Variants in GOLGA6L9 observed in about 807,000 individuals in gnomAD.
The protein encoded by GOLGA6L9 is golgin subfamily A member 6-like protein 9.
In GOLGA6L9, 19 loss-of-function variants were observed where a neutral mutation model predicts 51.3. The ratio of observed to expected loss-of-function variants is 0.37; its 90% CI spans 0.26 to 0.54. The LOEUF is 0.54. GOLGA6L9 is among the 20% of genes least tolerant of loss of function. The probability of loss-of-function intolerance (pLI) is 0.83; values close to 1 mark genes in which losing one functional copy is unlikely to be tolerated. For synonymous variants in GOLGA6L9, 97 were observed against 184.2 expected, an observed-to-expected ratio of 0.53 and a Z score of 3.83; for missense variants, 247 against 464.1, an observed-to-expected ratio of 0.53 and a Z score of 4.30.
rs1401504778 is a variant in GOLGA6L9, at chr15:82,436,330, G to C, written c.1218G>C (p.Glu406Asp). 2.1e-5 allele frequency: 34 copies of C among 1,591,472 alleles called. No individual in the cohort carries two copies. Among genetic ancestry groups the C allele is most frequent in the Admixed American group, 1.7e-4 (10 of 59,436 alleles). The stretch of plus-strand genomic sequence containing the variant: ...GTGGAGAAGCTGTTGGTACAGGAGA[G>C]GCGGCAGGAGGAGCAGGAGAGGCTG... ...GLSGEAVGTG[E>D]AAGGAGEAAC... The change falls in exon 9 of 9, where the codon GAG becomes GAC. Residue 406 changes from glutamate to aspartate, a missense_variant. This residue lies in a region of GOLGA6L9 where 12 missense variants were observed against 89.4 expected (regional missense o/e 0.13). Coordinates refer to ENST00000618348, the MANE Select transcript of GOLGA6L9 (RefSeq NM_198181.4).
rs1446802180 is a variant in GOLGA6L9 at position 82,437,077 on chromosome 15, C to G, written c.*666C>G. Reference sequence around the variant, plus strand: ...TCTCCCAGAAGAGGAAAGTGGCCTGCTTTGGCAGGTGTGTGCAGGATAGAA... The same window carrying G: ...TCTCCCAGAAGAGGAAAGTGGCCTGGTTTGGCAGGTGTGTGCAGGATAGAA... On this transcript the variant is annotated 3_prime_UTR_variant, in exon 9 of 9. Transcript: ENST00000618348. 6.7e-6 allele frequency: 1 copy of G among 149,098 alleles called. No homozygotes were observed. The highest frequency in any genetic ancestry group is 1.5e-5 in the Non-Finnish European group (1 of 67,492). 9.2% of individuals were successfully genotyped at this position (149,098 alleles called of 1,614,324 possible). A position where few individuals can be genotyped will look rare whatever the true frequency, so the allele number is the denominator to read the frequency against.
the GOLGA6L9 span, among the ~76,000 whole-genome samples, chr15:82,416,922 T>C: frequency 2.0e-5 from 3 of 152,196 alleles, no homozygotes; most frequent in African/African-American, 7.2e-5. Flanking sequence ...TTCAGAGTTA[T>C]GCAGCCATTA....
the GOLGA6L9 span, among the ~76,000 whole-genome samples, chr15:82,420,304 T>C: frequency 2.0e-5 from 3 of 152,038 alleles, no homozygotes; most frequent in African/African-American, 7.2e-5. Context: ...CTTTGTTATA[T>C]TTACTGTAGA....
Position 82,434,285 on chromosome 15 carries a change from C to T in GOLGA6L9, c.685C>T (p.Leu229=), listed in dbSNP as rs1190167590. ...GAGGCTGTGTGAACAGGAGGAGAGG[C>T]TACGTGAACAGGAGGAGAGGCTGTG... ...EERLCEQEER[L]REQEERLCEQ... The change falls in exon 6 of 9, where the codon CTA becomes TTA. Residue 229 remains leucine, a synonymous_variant. Coordinates refer to ENST00000618348, the MANE Select transcript of GOLGA6L9 (RefSeq NM_198181.4). The T allele has an allele frequency of 3.2e-5, 49 of 1,552,968 alleles. No homozygotes were observed. In the Admixed American group the frequency reaches 6.6e-4, roughly 21 times the overall value.
chr15:82,436,563 A>G lies in GOLGA6L9; in HGVS notation c.*152A>G. The G allele has an allele frequency of 1.2e-6, 1 of 860,346 alleles. No individual in the cohort carries two copies. The highest frequency in any genetic ancestry group is 2.8e-5 in the East Asian group (1 of 36,014). 53.3% of individuals were successfully genotyped at this position (860,346 alleles called of 1,614,324 possible). On this transcript the variant is annotated 3_prime_UTR_variant, in exon 9 of 9. Transcript: ENST00000618348. ...ATTTGTGTTTCTAATTTATAGTTTA[A>G]ATTTATTTGTTTCTAATTTATAGTT...
the GOLGA6L9 span, among the ~76,000 whole-genome samples, chr15:82,416,288 T>G: frequency 6.6e-6 from 1 of 152,186 alleles, no homozygotes; most frequent in African/African-American, 2.4e-5. Flanking sequence ...GATGTAATAT[T>G]TTGTACTCAA....
the GOLGA6L9 span, among the ~76,000 whole-genome samples, chr15:82,423,822 GTA>G: frequency 1.0e-5 from 1 of 96,032 alleles, no homozygotes; most frequent in Non-Finnish European, 2.1e-5. Context: ...TAATTTAGCA[GTA>G]TTTAGGATAG....
chr15:82,429,686 G>C (rs2031333330), upstream of GOLGA6L9, among the ~76,000 whole-genome samples: 1 of 152,142 alleles, frequency 6.6e-6, no homozygotes, highest in East Asian at 1.9e-4. Flanking sequence ...GACAGCTCTG[G>C]AGGAACACAT....
the GOLGA6L9 span, among the ~76,000 whole-genome samples, chr15:82,418,331 A>G: frequency 4.5e-4 from 68 of 152,292 alleles, no homozygotes; most frequent in African/African-American, 1.5e-3. Context: ...AAGGGTAGGA[A>G]GCAGAAGGAA....
At chr15:82,420,766 A>C in the GOLGA6L9 span, among the ~76,000 whole-genome samples, 1 of 152,096 alleles carries the variant, frequency 6.6e-6, no homozygotes, top group Non-Finnish European at 1.5e-5. Flanking sequence ...GCAGGCTGTA[A>C]CCGTAATTCC....
chr15:82,436,921 T>G lies in GOLGA6L9; in HGVS notation c.*510T>G, dbSNP rs1404182127. On this transcript the variant is annotated 3_prime_UTR_variant, in exon 9 of 9. Transcript: ENST00000618348. The stretch of plus-strand genomic sequence containing the variant: ...AAAATTTCCTTATGTTCTGCTGTTA[T>G]GTTTGATCGAATCCTAATCACAGTG... The G allele has an allele frequency of 2.5e-5, 4 of 158,240 alleles. No individual in the cohort carries two copies. Among genetic ancestry groups the G allele is most frequent in the African/African-American group, 9.7e-5 (4 of 41,204 alleles). 9.8% of individuals were successfully genotyped at this position (158,240 alleles called of 1,614,324 possible).
In GOLGA6L9 at chr15:82,436,385, A is replaced by G. The variant is rs1417574686; in HGVS notation, c.1273A>G (p.Arg425Gly). ...CCATTCTTTTCGGGCTGCCGAGAACAGGGAGCTAAACATCACCATCATCTA... is the reference window on the plus strand; with the variant it reads ...CCATTCTTTTCGGGCTGCCGAGAACGGGGAGCTAAACATCACCATCATCTA... ...ACHSFRAAEN[R>G]ELNITII is the part of the protein sequence containing the mutation. The change falls in exon 9 of 9, where the codon AGG (arginine) becomes GGG (glycine). Residue 425 changes from arginine (R) to glycine (G), a missense_variant. Around this residue, in one of 9 missense-constraint regions of GOLGA6L9, gnomAD observed 20 missense variants for 25.1 expected, o/e 0.80. Transcript: ENST00000618348. The G allele has an allele frequency of 6.9e-6, 11 of 1,596,272 alleles. No homozygotes were observed. The highest frequency in any genetic ancestry group is 4.5e-4 in the Middle Eastern group (2 of 4,448).
chr15:82,434,205 G>C lies in GOLGA6L9; in HGVS notation c.605G>C (p.Arg202Pro), dbSNP rs1164344823. ...AACAGGAGACAGGAGGAGAGGCTAC[G>C]TGAACAGGAGGAGAGGCTACGTGAA... is the stretch of plus-strand genomic sequence containing the variant. ...LLNRRQEERL[R>P]EQEERLREQE... The change falls in exon 6 of 9, where the codon CGT (arginine) becomes CCT (proline). Residue 202 changes from arginine to proline, a missense_variant. By Grantham distance (103) the Arg-to-Pro change is moderately radical. Transcript: ENST00000618348. The C allele has an allele frequency of 6.4e-7, 1 of 1,557,604 alleles. No individual in the cohort carries two copies.
chr15:82,418,140 A>G, the GOLGA6L9 span, among the ~76,000 whole-genome samples: 1 of 152,208 alleles, frequency 6.6e-6, no homozygotes, highest in Non-Finnish European at 1.5e-5. Context: ...TCATTTTATT[A>G]TTGAATAATG....
chr15:82,436,677 A>G lies in GOLGA6L9; in HGVS notation c.*266A>G, dbSNP rs1480607748. On this transcript the variant is annotated 3_prime_UTR_variant, in exon 9 of 9. Transcript: ENST00000618348. ...ATTTATTTGTAAAAAGTTAAATGAG[A>G]GTGGGTCTTTCTCTCATGTTCACTC... The G allele has an allele frequency of 3.8e-6, 1 of 263,220 alleles. No individual in the cohort carries two copies. The highest frequency in any genetic ancestry group is 7.0e-6 in the Non-Finnish European group (1 of 142,602). The allele number at this position is 263,220 out of a possible 1,614,324, so 16.3% of individuals were successfully genotyped here.
Position 82,432,831 on chromosome 15 carries a change from A to T in GOLGA6L9, c.279A>T (p.Glu93Asp), listed in dbSNP as rs2031467427. Reference sequence around the variant, plus strand: ...ATGCACCTCAGAGCCAGTACCAAGAACTAGCAGTAGCCCTGGATTCAAGCT... The same window carrying T: ...ATGCACCTCAGAGCCAGTACCAAGATCTAGCAGTAGCCCTGGATTCAAGCT... ...TLQDLESQYQELAVALDSSSA... is the reference protein window; with the variant it reads ...TLQDLESQYQDLAVALDSSSA... The change falls in exon 4 of 9, where the codon GAA becomes GAT. Residue 93 changes from glutamate to aspartate, a missense_variant. This residue lies in a region of GOLGA6L9 where 74 missense variants were observed against 91.2 expected (regional missense o/e 0.81). Coordinates refer to ENST00000618348, the MANE Select transcript of GOLGA6L9 (RefSeq NM_198181.4). 2.5e-6 allele frequency: 4 copies of T among 1,612,340 alleles called. No homozygotes were observed.
In GOLGA6L9 at chr15:82,432,590, G is replaced by T. The variant is rs1189513616; in HGVS notation, c.223G>T (p.Gly75Trp). The T allele has an allele frequency of 2.5e-6, 4 of 1,603,698 alleles. No homozygotes were observed. The African/African-American group carries it at 5.4e-5, about 21-fold the overall frequency. The change falls in exon 3 of 9, where the codon GGG (glycine) becomes TGG (tryptophan). Residue 75 changes from glycine to tryptophan, a missense_variant. By Grantham distance (184) the Gly-to-Trp change is radical. Coordinates refer to ENST00000618348, the MANE Select transcript of GOLGA6L9 (RefSeq NM_198181.4). ...CTTGGAGTCAGCAACAGGTATCTAC[G>T]GGGAGGGCCGTGCATCCTCTACTAC... is the stretch of plus-strand genomic sequence containing the variant. The part of the protein sequence containing the change: ...SPGDSATGIY[G>W]EGRASSTTLQ...
upstream of GOLGA6L9, among the ~76,000 whole-genome samples, chr15:82,429,061 T>G (rs1222111371): frequency 6.6e-6 from 1 of 152,052 alleles, no homozygotes; most frequent in Non-Finnish European, 1.5e-5. Context: ...CTACTTATTT[T>G]GTATCTTATT....
rs1187376647 is a variant in GOLGA6L9 at position 82,433,558 on chromosome 15, GC to G, written c.346-3del. On this transcript the variant is annotated splice_region_variant and splice_polypyrimidine_tract_variant and intron_variant, in intron 4 of 8. Coordinates refer to ENST00000618348, the MANE Select transcript of GOLGA6L9 (RefSeq NM_198181.4). ...GTACCCTTTTCCCCCTTTGCTTTGG[GC>G]AGGTTCGCACATCTAAGGAGGAGAA... 1 of 951,016 alleles carries G rather than the reference GC, an allele frequency of 1.1e-6. No homozygotes were observed. Among genetic ancestry groups the G allele is most frequent in the African/African-American group, 2.1e-5 (1 of 48,484 alleles). The allele number at this position is 951,016 out of a possible 1,614,324, so 58.9% of individuals were successfully genotyped here.
Sources: gnomAD v4.1 joint callset for allele counts (sites outside exome capture counted in the v4.1 genomes callset) on GRCh38, gnomAD v4.1.1 for gene constraint, gnomAD v4.1.1 regional missense constraint, MANE v1.5 for transcripts, NCBI Gene and HGNC (gene_info 2026-07-23, HGNC 2026-07-21) for gene names.